The following KIAA1217 variants were observed in gnomAD, a reference collection of about 807,000 sequenced individuals.
The protein encoded by KIAA1217 is KIAA1217, also known as sickle tail protein homolog.
A neutral mutation model predicts 163.9 loss-of-function variants in KIAA1217; 88 were observed. The ratio of observed to expected loss-of-function variants is 0.54; its 90% CI spans 0.45 to 0.64. The LOEUF (loss-of-function observed/expected upper bound fraction) is 0.64. Ranked by LOEUF, KIAA1217 falls within the 30% of genes least tolerant of loss-of-function variation. The probability of loss-of-function intolerance (pLI) is 0.00; values close to 1 mark genes in which losing one functional copy is unlikely to be tolerated. For synonymous variants in KIAA1217, 903 were observed against 923.1 expected (o/e 0.98, Z 0.39); for missense variants, 2,372 against 2,475.0 (o/e 0.96, Z 0.88).
Position 23,810,512 on chromosome 10 carries a change from C to CTATATATAATCTATA in KIAA1217, c.-321+115282_-321+115283insTATAATCTATATATA, listed in dbSNP as rs1564441076. Among the ~76,000 whole-genome samples, 143 of 134,382 alleles carry CTATATATAATCTATA rather than the reference C, an allele frequency of 1.1e-3. 3 individuals carry two copies. Among genetic ancestry groups the CTATATATAATCTATA allele is most frequent in the African/African-American group, 3.4e-3 (119 of 35,444 alleles). 88.2% of individuals were successfully genotyped at this position (134,382 alleles called of 152,430 possible). A position where few individuals can be genotyped will look rare whatever the true frequency, so the allele number is the denominator to read the frequency against. ...TTATACTATGTATAATCTATATATACTATAGATAATCTATATATAGTATAT... is the reference window on the plus strand; with the variant it reads ...TTATACTATGTATAATCTATATATACTATATATAATCTATATATAGATAATCTATATATAGTATAT... On this transcript the variant is annotated intron_variant, in intron 1 of 18. Transcript: ENST00000376462.
intron 1 of KIAA1217, among the ~76,000 whole-genome samples, chr10:23,856,342 G>A (rs899479876): frequency 2.0e-4 from 31 of 152,230 alleles, no homozygotes; most frequent in Non-Finnish European, 3.5e-4. Flanking sequence ...CGTGAACCGC[G>A]AATGCTGCTG....
At chr10:24,014,360 C>T (rs577536109) in intron 2 of KIAA1217, among the ~76,000 whole-genome samples, 18 of 152,238 alleles carry the variant, frequency 1.2e-4, no homozygotes, top group African/African-American at 2.2e-4. Flanking sequence ...TTGTTTTACA[C>T]GCAGAAAATA....
chr10:23,932,665 C>T (rs1335584132), intron 1 of KIAA1217, among the ~76,000 whole-genome samples: 2 of 152,144 alleles, frequency 1.3e-5, no homozygotes, highest in African/African-American at 4.8e-5. Flanking sequence ...CCCCATACCA[C>T]TGACATTTAC....
At chr10:23,834,790 T>C (rs1219600643) in intron 1 of KIAA1217, among the ~76,000 whole-genome samples, 1 of 152,094 alleles carries the variant, frequency 6.6e-6, no homozygotes, top group East Asian at 1.9e-4. Flanking sequence ...TTCTGCAGGA[T>C]TGGTTGCCAT....
chr10:24,059,045 G>A (rs1261650463), intron 2 of KIAA1217, among the ~76,000 whole-genome samples: 1 of 151,990 alleles, frequency 6.6e-6, no homozygotes, highest in Non-Finnish European at 1.5e-5. Context: ...ATTATGTTGA[G>A]GTAATTTTCC....
At chr10:24,365,646 T>A (rs2050679735) in intron 2 of KIAA1217, among the ~76,000 whole-genome samples, 1 of 152,190 alleles carries the variant, frequency 6.6e-6, no homozygotes, top group African/African-American at 2.4e-5. Flanking sequence ...TAGCTAATTG[T>A]TTTTCTAATA....
chr10:24,151,606 C>G (rs2064616654), intron 2 of KIAA1217, among the ~76,000 whole-genome samples: 1 of 151,336 alleles, frequency 6.6e-6, no homozygotes, highest in Non-Finnish European at 1.5e-5. Flanking sequence ...GACTTGAGGT[C>G]TCTCTGGAGA....
chr10:24,458,809 A>G (rs2062060196), intron 5 of KIAA1217, among the ~76,000 whole-genome samples: 1 of 152,174 alleles, frequency 6.6e-6, no homozygotes, highest in Admixed American at 6.5e-5. Flanking sequence ...AATATTTATA[A>G]TAGAGAAATT....
chr10:23,996,334 T>TG, intron 1 of KIAA1217, among the ~76,000 whole-genome samples: 1 of 152,182 alleles, frequency 6.6e-6, no homozygotes, highest in Non-Finnish European at 1.5e-5. Context: ...GTATTGCATT[T>TG]GGGGACCATA....
intron 2 of KIAA1217, among the ~76,000 whole-genome samples, chr10:24,112,354 C>T (rs555198206): frequency 2.0e-5 from 3 of 152,242 alleles, no homozygotes; most frequent in South Asian, 4.1e-4. Context: ...GGTCATGAGG[C>T]CAAGATGTTT....
chr10:23,952,190 G>A (rs970424191), intron 1 of KIAA1217, among the ~76,000 whole-genome samples: 1 of 152,164 alleles, frequency 6.6e-6, no homozygotes, highest in Non-Finnish European at 1.5e-5. Context: ...TACCATCTGC[G>A]ATCCCAGCAT....
intron 6 of KIAA1217, among the ~76,000 whole-genome samples, chr10:24,491,355 T>A (rs1214465395): frequency 7.1e-6 from 1 of 140,786 alleles, no homozygotes; most frequent in Non-Finnish European, 1.5e-5. Context: ...AGTGGTGCAA[T>A]CTCTGCTCAC....
At chr10:24,201,177 A>G (rs945908497) in intron 2 of KIAA1217, among the ~76,000 whole-genome samples, 1 of 152,150 alleles carries the variant, frequency 6.6e-6, no homozygotes, top group East Asian at 1.9e-4. Flanking sequence ...AGGATGAGGC[A>G]GGAGAATTGC....
chr10:23,717,839 A>G (rs139887555), intron 1 of KIAA1217, among the ~76,000 whole-genome samples: 125 of 152,286 alleles, frequency 8.2e-4, no homozygotes, highest in African/African-American at 2.9e-3. Flanking sequence ...TAAAATCAGA[A>G]AACAAACCAC....
intron 3 of KIAA1217, among the ~76,000 whole-genome samples, chr10:24,428,255 G>A (rs553405797): frequency 6.6e-6 from 1 of 152,306 alleles, no homozygotes; most frequent in South Asian, 2.1e-4. Context: ...GCCTTTTGAT[G>A]TACCATAGCA....
chr10:24,358,254 A>G (rs2049385248), intron 2 of KIAA1217, among the ~76,000 whole-genome samples: 1 of 152,144 alleles, frequency 6.6e-6, no homozygotes, highest in Non-Finnish European at 1.5e-5. Context: ...TATGGAGGCA[A>G]AAATAAGCAG....
At chr10:24,382,645 T>C (rs1241456716) in intron 3 of KIAA1217, among the ~76,000 whole-genome samples, 1 of 151,956 alleles carries the variant, frequency 6.6e-6, no homozygotes, top group African/African-American at 2.4e-5. Context: ...ACACACTTAA[T>C]TAAGTGGCAG....
chr10:24,364,249 G>A (rs1385068301), intron 2 of KIAA1217, among the ~76,000 whole-genome samples: 1 of 152,140 alleles, frequency 6.6e-6, no homozygotes, highest in African/African-American at 2.4e-5. Flanking sequence ...AAAGTGCTGG[G>A]ATTACAGGCG....
chr10:23,979,953 TTTTAATTTTA>T (rs1275192429), intron 1 of KIAA1217, among the ~76,000 whole-genome samples: 1 of 152,196 alleles, frequency 6.6e-6, no homozygotes, highest in Non-Finnish European at 1.5e-5. Context: ...TGATGGGCTA[TTTTAATTTTA>T]TTTTTCAAAA....
Sources: allele counts gnomAD v4.1 joint callset (sites outside exome capture counted in the v4.1 genomes callset), GRCh38; gene constraint gnomAD v4.1.1; transcripts MANE v1.5; gene names NCBI Gene and HGNC (gene_info 2026-07-23, HGNC 2026-07-21).